SLC9A9: variants seen among roughly 807,000 people sequenced by gnomAD.
SLC9A9 encodes the protein sodium/hydrogen exchanger 9.
Under a neutral mutation model 77.8 loss-of-function variants are expected in SLC9A9, and 62 were observed. That is an observed-to-expected ratio of 0.80 (90% confidence interval 0.65 to 0.98). The LOEUF is 0.98. Ranked by LOEUF, SLC9A9 falls within the 50% of genes least tolerant of loss-of-function variation. SLC9A9 has a pLI of 0.00. For missense variants in SLC9A9, 775 were observed against 774.9 expected, an observed-to-expected ratio of 1.00 and a Z score of 0.00; for synonymous variants, 320 against 283.5, an observed-to-expected ratio of 1.13 and a Z score of -1.29.
intron 4 of SLC9A9, among the ~76,000 whole-genome samples, chr3:143,738,897 C>A (rs1480684135): frequency 6.6e-6 from 1 of 152,204 alleles, no homozygotes; most frequent in East Asian, 1.9e-4. Flanking sequence ...GCTTTCATAT[C>A]CCCTCTGGAT....
In SLC9A9 at chr3:143,434,180, C is replaced by T. The variant is rs72997837; in HGVS notation, c.1469+32857G>A. Among the ~76,000 whole-genome samples, 656 of 152,224 alleles carry T rather than the reference C, an allele frequency of 4.3e-3. 2 individuals are homozygous for T. The highest frequency in any genetic ancestry group is 0.013 in the African/African-American group (533 of 41,532). Reference sequence around the variant, plus strand: ...TCCTAGCATCTTTCTCAAGGTGGCTCGTGAACTAAAGTGTGCAATGGTATG... The same window carrying T: ...TCCTAGCATCTTTCTCAAGGTGGCTTGTGAACTAAAGTGTGCAATGGTATG... On this transcript the variant is annotated intron_variant, in intron 12 of 15. Coordinates refer to ENST00000316549, the MANE Select transcript of SLC9A9 (RefSeq NM_173653.4).
Position 143,681,208 on chromosome 3 carries a change from A to G in SLC9A9, c.649+11984T>C, listed in dbSNP as rs114141812. On this transcript the variant is annotated intron_variant, in intron 5 of 15. Coordinates refer to ENST00000316549, the MANE Select transcript of SLC9A9 (RefSeq NM_173653.4). ...TTTGCAACAAGTCCTCTATAAATAA[A>G]ACCTTCTTGAATTATCCAGTTTCAA... Among the ~76,000 whole-genome samples, 1,018 of 152,280 alleles carry G rather than the reference A, an allele frequency of 6.7e-3. 11 individuals are homozygous for G. The highest frequency in any genetic ancestry group is 5.9e-3 in the Non-Finnish European group (399 of 68,012).
rs544496393 is a variant in SLC9A9, at chr3:143,475,813, T to G, written c.1316-8623A>C. Among the ~76,000 whole-genome samples the G allele has an allele frequency of 4.4e-4, 64 of 147,050 alleles. No individual in the cohort carries two copies. The South Asian group carries it at 0.014, about 32-fold the overall frequency. ...TCTCAAAAAAAAAAAAAAAGTACAA[T>G]TGGAACCCAAAAGAAAATGAGCAGT... On this transcript the variant is annotated intron_variant, in intron 11 of 15. Transcript: ENST00000316549.
chr3:143,483,933 A>G lies in SLC9A9; in HGVS notation c.1315+9720T>C, dbSNP rs1020230485. ...CCCTCATCTTTGTCTTGTTCGCACA[A>G]ATACCTACCCAAGAAAGTGCATCAA... is the stretch of plus-strand genomic sequence containing the variant. On this transcript the variant is annotated intron_variant, in intron 11 of 15. Coordinates refer to ENST00000316549, the MANE Select transcript of SLC9A9 (RefSeq NM_173653.4). Among the ~76,000 whole-genome samples the G allele has an allele frequency of 3.3e-5, 5 of 152,174 alleles. No homozygotes were observed. In the East Asian group the frequency reaches 9.6e-4, roughly 29 times the overall value.
intron 8 of SLC9A9, among the ~76,000 whole-genome samples, chr3:143,558,269 T>A (rs1223727328): frequency 2.6e-5 from 4 of 151,850 alleles, no homozygotes; most frequent in Non-Finnish European, 5.9e-5. Flanking sequence ...TCTGCTAGGG[T>A]AGTATGGAAG....
chr3:143,656,909 A>C (rs1338947363), intron 5 of SLC9A9, among the ~76,000 whole-genome samples: 1 of 152,182 alleles, frequency 6.6e-6, no homozygotes, highest in African/African-American at 2.4e-5. Context: ...CCAAAAAATG[A>C]TTATTGTGAA....
intron 4 of SLC9A9, among the ~76,000 whole-genome samples, chr3:143,694,005 T>C (rs538952858): frequency 1.3e-5 from 2 of 152,282 alleles, no homozygotes; most frequent in South Asian, 2.1e-4. Flanking sequence ...TAGCTTTTAA[T>C]TGGTATTTAA....
At chr3:143,680,352 C>T (rs959657404) in intron 5 of SLC9A9, among the ~76,000 whole-genome samples, 1 of 151,878 alleles carries the variant, frequency 6.6e-6, no homozygotes, top group African/African-American at 2.4e-5. Flanking sequence ...TGAAAAGTAA[C>T]AGGGATTATA....
At chr3:143,462,797 C>T (rs1337141603) in intron 12 of SLC9A9, among the ~76,000 whole-genome samples, 1 of 152,158 alleles carries the variant, frequency 6.6e-6, no homozygotes, top group Non-Finnish European at 1.5e-5. Context: ...ATTTGTTAAT[C>T]AGGGTAGATT....
chr3:143,692,499 A>G (rs574397844), intron 5 of SLC9A9, among the ~76,000 whole-genome samples: 7 of 152,316 alleles, frequency 4.6e-5, no homozygotes, highest in Non-Finnish European at 7.4e-5. Context: ...GGGTATAAAT[A>G]AGGTGATTGC....
chr3:143,349,444 T>C (rs2032389968), intron 14 of SLC9A9, among the ~76,000 whole-genome samples: 1 of 152,180 alleles, frequency 6.6e-6, no homozygotes, highest in South Asian at 2.1e-4. Context: ...CATCCTTTAA[T>C]AATAATAACA....
chr3:143,706,890 T>C (rs1430599769), intron 4 of SLC9A9, among the ~76,000 whole-genome samples: 1 of 152,108 alleles, frequency 6.6e-6, no homozygotes, highest in Non-Finnish European at 1.5e-5. Flanking sequence ...CTTCTTAGAG[T>C]GTGTCCCAGG....
rs543910229 is a variant in SLC9A9, at chr3:143,384,595, C to A, written c.1470-2481G>T. Among the ~76,000 whole-genome samples the A allele has an allele frequency of 2.6e-5, 4 of 152,268 alleles. No individual in the cohort carries two copies. The South Asian group carries it at 6.2e-4, about 24-fold the overall frequency. On this transcript the variant is annotated intron_variant, in intron 12 of 15. Transcript: ENST00000316549. ...GGAATCTTTTCTTTGCAGCAGCAAT[C>A]AGAGCAGACATTCCTGCACAACTAG...
At chr3:143,647,122 T>A (rs1284065195) in intron 6 of SLC9A9, among the ~76,000 whole-genome samples, 1 of 152,158 alleles carries the variant, frequency 6.6e-6, no homozygotes, top group African/African-American at 2.4e-5. Context: ...AGGCCCTGAT[T>A]TAGGTGTTTT....
intron 14 of SLC9A9, among the ~76,000 whole-genome samples, chr3:143,295,238 T>G (rs1470998104): frequency 6.6e-6 from 1 of 152,236 alleles, no homozygotes; most frequent in Non-Finnish European, 1.5e-5. Flanking sequence ...TCACTTTAGA[T>G]GTCTGCAATT....
chr3:143,475,541 C>T (rs113228842), intron 11 of SLC9A9, among the ~76,000 whole-genome samples: 34,173 of 151,598 alleles, frequency 0.23, 4,999 homozygotes, highest in Non-Finnish European at 0.33. Context: ...GCCTGTAATC[C>T]CAGCACTTTG....
chr3:143,417,929 C>T (rs2034227535), intron 12 of SLC9A9, among the ~76,000 whole-genome samples: 1 of 151,892 alleles, frequency 6.6e-6, no homozygotes. Flanking sequence ...TTCAAAGAGC[C>T]TCATTCCATG....
At chr3:143,301,142 C>T (rs6440161) in intron 14 of SLC9A9, among the ~76,000 whole-genome samples, 74,152 of 152,006 alleles carry the variant, frequency 0.49, 20,424 homozygotes, top group African/African-American at 0.73. Flanking sequence ...TCCTGCAGAA[C>T]GGCCACAGGA....
At chr3:143,316,430 G>A (rs985188480) in intron 14 of SLC9A9, among the ~76,000 whole-genome samples, 6 of 152,164 alleles carry the variant, frequency 3.9e-5, no homozygotes, top group African/African-American at 1.2e-4. Flanking sequence ...GGGAAGCTCT[G>A]GGAGCATATA....
Sources: gnomAD v4.1 joint callset for allele counts (sites outside exome capture counted in the v4.1 genomes callset) on GRCh38, gnomAD v4.1.1 for gene constraint, MANE v1.5 for transcripts, NCBI Gene and HGNC (gene_info 2026-07-23, HGNC 2026-07-21) for gene names.